MMP26: variants seen among roughly 807,000 people sequenced by gnomAD.
MMP26 encodes matrix metallopeptidase 26, also known as matrix metalloproteinase-26.
In MMP26, 33 loss-of-function variants were observed where a neutral mutation model predicts 31.0. The observed-to-expected ratio is 1.06, with a 90% CI of 0.81 to 1.42. The LOEUF is 1.42. Ranked by LOEUF, MMP26 falls within the 40% of genes most tolerant of loss-of-function variation. The pLI is 0.00. For synonymous variants in MMP26, 122 were observed against 114.9 expected (o/e 1.06, Z -0.40); for missense variants, 347 against 316.1 (o/e 1.10, Z -0.74).
At chr11:4,799,099 C>T (rs982527983) in intron 2 of MMP26, among the ~76,000 whole-genome samples, 4 of 152,162 alleles carry the variant, frequency 2.6e-5, no homozygotes, top group South Asian at 2.1e-4. Context: ...AATGGAGTCC[C>T]TCAGTCAACA....
intron 2 of MMP26, among the ~76,000 whole-genome samples, chr11:4,800,284 G>A (rs574871928): frequency 1.6e-4 from 24 of 152,342 alleles, no homozygotes; most frequent in African/African-American, 5.3e-4. Context: ...CCTCCTTCAT[G>A]CTTGCTTTCT....
chr11:4,775,579 G>T (rs1402700928), intron 2 of MMP26, among the ~76,000 whole-genome samples: 1 of 152,046 alleles, frequency 6.6e-6, no homozygotes, highest in African/African-American at 2.4e-5. Flanking sequence ...TGGGTAATTT[G>T]TAAAGAAACA....
intron 2 of MMP26, among the ~76,000 whole-genome samples, chr11:4,987,821 A>G (rs932033919): frequency 6.6e-6 from 1 of 152,094 alleles, no homozygotes; most frequent in Non-Finnish European, 1.5e-5. Context: ...CTGGAGCAAG[A>G]TTGAATGTCT....
chr11:4,926,791 T>C (rs1020816065), intron 2 of MMP26, among the ~76,000 whole-genome samples: 1 of 152,178 alleles, frequency 6.6e-6, no homozygotes, highest in Non-Finnish European at 1.5e-5. Flanking sequence ...AAGCACATCA[T>C]GACTCACACC....
At chr11:4,945,519 C>T (rs1024834050) in intron 2 of MMP26, 3 of 153,456 alleles carry the variant, frequency 2.0e-5, no homozygotes, top group African/African-American at 7.2e-5. Flanking sequence ...ATTCAATTTG[C>T]CTATAGATTA....
chr11:4,832,452 A>G (rs141997801), intron 2 of MMP26: 5 of 153,004 alleles, frequency 3.3e-5, no homozygotes, highest in African/African-American at 1.2e-4. Flanking sequence ...TTCTTCATCC[A>G]TGGATTCACA....
chr11:4,734,891 C>G (rs901335122), intron 1 of MMP26, among the ~76,000 whole-genome samples: 1 of 136,318 alleles, frequency 7.3e-6, no homozygotes, highest in Non-Finnish European at 1.6e-5. Flanking sequence ...TAGGATTGAG[C>G]TGGGGAAAGG....
chr11:4,721,860 C>A (rs1049076465), intron 1 of MMP26, among the ~76,000 whole-genome samples: 1 of 152,154 alleles, frequency 6.6e-6, no homozygotes, highest in Non-Finnish European at 1.5e-5. Context: ...TCTGCTTTGA[C>A]AATGTTTCGT....
At chr11:4,931,949 T>A (rs1027667511) in intron 2 of MMP26, among the ~76,000 whole-genome samples, 3 of 152,054 alleles carry the variant, frequency 2.0e-5, no homozygotes, top group Non-Finnish European at 4.4e-5. Flanking sequence ...CACGTTCGGT[T>A]CTTTTCTACT....
rs1050429020 is a variant in MMP26, at chr11:4,814,048, A to G, written c.-145+46707A>G. Among the ~76,000 whole-genome samples the G allele has an allele frequency of 4.6e-5, 7 of 152,342 alleles. No homozygotes were observed. The East Asian group carries it at 1.3e-3, about 29-fold the overall frequency. On this transcript the variant is annotated intron_variant, in intron 2 of 7. Coordinates refer to ENST00000380390, the MANE Select transcript of MMP26 (RefSeq NM_021801.5). Reference sequence around the variant, plus strand: ...AAAAGGTTTATTATTATTATTCAACATTATTATTCATTAGGTAAATGAAAG... The same window carrying G: ...AAAAGGTTTATTATTATTATTCAACGTTATTATTCATTAGGTAAATGAAAG...
intron 2 of MMP26, among the ~76,000 whole-genome samples, chr11:4,894,450 T>C (rs1589931511): frequency 6.6e-6 from 1 of 152,156 alleles, no homozygotes; most frequent in Non-Finnish European, 1.5e-5. Context: ...TAATTGAGGA[T>C]ATGTACAAAT....
At chr11:4,791,939 T>C (rs1849033586) in intron 2 of MMP26, among the ~76,000 whole-genome samples, 2 of 151,946 alleles carry the variant, frequency 1.3e-5, no homozygotes, top group Non-Finnish European at 2.9e-5. Flanking sequence ...AGGTTTTCTT[T>C]GGGTCTTTAG....
At chr11:4,717,712 G>T (rs138014064) in intron 1 of MMP26, among the ~76,000 whole-genome samples, 1 of 152,008 alleles carries the variant, frequency 6.6e-6, no homozygotes, top group Non-Finnish European at 1.5e-5. Context: ...TTTCACATAC[G>T]TTAATCTTCA....
intron 1 of MMP26, among the ~76,000 whole-genome samples, chr11:4,729,038 T>A (rs1231747773): frequency 6.6e-6 from 1 of 151,742 alleles, no homozygotes; most frequent in African/African-American, 2.4e-5. Context: ...GCATAAAAAA[T>A]CATCTCCCTA....
chr11:4,781,717 C>T (rs979065045), intron 2 of MMP26, among the ~76,000 whole-genome samples: 1 of 151,870 alleles, frequency 6.6e-6, no homozygotes, highest in Non-Finnish European at 1.5e-5. Flanking sequence ...CTCTGTGTCC[C>T]CACCCAAATC....
At chr11:4,878,741 A>C (rs1850418740) in intron 2 of MMP26, among the ~76,000 whole-genome samples, 1 of 152,090 alleles carries the variant, frequency 6.6e-6, no homozygotes, top group African/African-American at 2.4e-5. Context: ...AATATTCATA[A>C]ATCTTATCTG....
chr11:4,908,332 A>G (rs1850938415), intron 2 of MMP26: 1 of 1,590,038 alleles, frequency 6.3e-7, no homozygotes. Context: ...TAGGTAATAA[A>G]TTATCAACCA....
chr11:4,988,086 C>G lies in MMP26; in HGVS notation c.-126C>G. The G allele has an allele frequency of 2.4e-6, 2 of 821,192 alleles. No individual in the cohort carries two copies. The highest frequency in any genetic ancestry group is 3.3e-4 in the Middle Eastern group (1 of 3,008). 50.9% of individuals were successfully genotyped at this position (821,192 alleles called of 1,614,324 possible). A position where few individuals can be genotyped will look rare whatever the true frequency, so the allele number is the denominator to read the frequency against. The stretch of plus-strand genomic sequence containing the variant: ...TCAGCAGGTATGGATGATGACGCCA[C>G]TCACAGATTCAAAGAAAGGGCAAAC... On this transcript the variant is annotated 5_prime_UTR_variant, in exon 3 of 8. Transcript: ENST00000380390.
chr11:4,722,603 T>G, intron 1 of MMP26: 1 of 493,134 alleles, frequency 2.0e-6, no homozygotes, highest in Non-Finnish European at 3.6e-6. Context: ...AACTCCCCCG[T>G]GGGTGGGCTG....
Sources: allele counts gnomAD v4.1 joint callset (sites outside exome capture counted in the v4.1 genomes callset), GRCh38; gene constraint gnomAD v4.1.1; transcripts MANE v1.5; gene names NCBI Gene and HGNC (gene_info 2026-07-23, HGNC 2026-07-21).